The following SYT13 variants were observed in gnomAD, a reference collection of about 807,000 sequenced individuals.
SYT13 encodes the protein synaptotagmin-13.
In SYT13, 21 loss-of-function variants were observed where a neutral mutation model predicts 38.6. The observed-to-expected ratio is 0.54, with a 90% CI of 0.39 to 0.78. SYT13 has a LOEUF of 0.78. Ranked by LOEUF, SYT13 falls within the 30% of genes least tolerant of loss-of-function variation. The probability of loss-of-function intolerance (pLI) is 0.00; values close to 1 mark genes in which losing one functional copy is unlikely to be tolerated. For synonymous variants in SYT13, 241 were observed against 237.6 expected (o/e 1.01, Z -0.13); for missense variants, 495 against 548.7 (o/e 0.90, Z 0.98).
chr11:45,280,424 A>G (rs1855058302), intron 1 of SYT13, among the ~76,000 whole-genome samples: 1 of 152,222 alleles, frequency 6.6e-6, no homozygotes, highest in African/African-American at 2.4e-5. Context: ...TCCTCCTGGC[A>G]ATAAAAAAAT....
intron 1 of SYT13, chr11:45,285,792 C>T (rs569545565): frequency 1.9e-4 from 138 of 717,062 alleles, no homozygotes; most frequent in Non-Finnish European, 2.9e-4. Context: ...TCAGTCCCCA[C>T]AAGCTCGCCG....
intron 4 of SYT13, among the ~76,000 whole-genome samples, chr11:45,248,792 G>A (rs1854641751): frequency 6.6e-6 from 1 of 152,238 alleles, no homozygotes; most frequent in Non-Finnish European, 1.5e-5. Context: ...GTCAGCACCT[G>A]TCAGCCTCTG....
At chr11:45,266,560 C>T (rs1854884264) in intron 1 of SYT13, among the ~76,000 whole-genome samples, 1 of 151,156 alleles carries the variant, frequency 6.6e-6, no homozygotes, top group African/African-American at 2.5e-5. Context: ...GTCTGGACAA[C>T]AGGCATTAAG....
chr11:45,279,268 G>A (rs775841931), intron 1 of SYT13, among the ~76,000 whole-genome samples: 3 of 152,076 alleles, frequency 2.0e-5, no homozygotes, highest in Non-Finnish European at 4.4e-5. Context: ...ATTTCATAGG[G>A]CTATTGTGAT....
chr11:45,253,977 C>A, intron 3 of SYT13: 1 of 248,842 alleles, frequency 4.0e-6, no homozygotes, highest in Non-Finnish European at 7.6e-6. Context: ...ATACAGATGG[C>A]AAGGATACAA....
intron 1 of SYT13, among the ~76,000 whole-genome samples, chr11:45,266,535 T>G (rs772236239): frequency 8.7e-6 from 1 of 115,572 alleles, no homozygotes; most frequent in Non-Finnish European, 1.9e-5. Flanking sequence ...CACACACACA[T>G]ACACACATCC....
chr11:45,274,016 T>C (rs1336702576), intron 1 of SYT13, among the ~76,000 whole-genome samples: 1 of 152,232 alleles, frequency 6.6e-6, no homozygotes, highest in Non-Finnish European at 1.5e-5. Context: ...CCCTGTTTCA[T>C]GAATGAGCAA....
In SYT13 at chr11:45,286,245, GC is replaced by G. The variant is rs754416146; in HGVS notation, c.-39del. 6.7e-7 allele frequency: 1 copy of G among 1,495,318 alleles called. No individual in the cohort carries two copies. The highest frequency in any genetic ancestry group is 1.3e-5 in the South Asian group (1 of 76,996). 92.6% of individuals were successfully genotyped at this position (1,495,318 alleles called of 1,614,324 possible). A position where few individuals can be genotyped will look rare whatever the true frequency, so the allele number is the denominator to read the frequency against. On this transcript the variant is annotated 5_prime_UTR_variant, in exon 1 of 6. Transcript: ENST00000020926. ...CGGCGAGGGGCTGGGTCCCGCAGCC[GC>G]TCACCTTCCCCGGGCCGGGCCCGCC...
At chr11:45,259,106 TTGCCACTGGATTCTAAA>T in intron 1 of SYT13, among the ~76,000 whole-genome samples, 1 of 152,130 alleles carries the variant, frequency 6.6e-6, no homozygotes, top group East Asian at 1.9e-4. Context: ...CCTGTCGGTC[TTGCCACTGGATTCTAAA>T]TGGCAATCAC....
At chr11:45,245,152 C>G (rs181113742) in intron 5 of SYT13, among the ~76,000 whole-genome samples, 2 of 152,196 alleles carry the variant, frequency 1.3e-5, no homozygotes, top group Non-Finnish European at 2.9e-5. Flanking sequence ...TGTTCCTGCA[C>G]GCTCCCCCAA....
intron 1 of SYT13, among the ~76,000 whole-genome samples, chr11:45,265,674 C>T (rs865826517): frequency 1.3e-5 from 2 of 152,100 alleles, no homozygotes; most frequent in South Asian, 4.1e-4. Flanking sequence ...GGGCACTAAT[C>T]CCATCATGAG....
rs1366995924 is a variant in SYT13, at chr11:45,244,013, G to A, written c.*39C>T. The A allele has an allele frequency of 4.5e-6, 7 of 1,561,460 alleles. No homozygotes were observed. Among genetic ancestry groups the A allele is most frequent in the Non-Finnish European group, 6.0e-6 (7 of 1,157,760 alleles). On this transcript the variant is annotated 3_prime_UTR_variant, in exon 6 of 6. Coordinates refer to ENST00000020926, the MANE Select transcript of SYT13 (RefSeq NM_020826.3). ...ACAGAAAGGAGGTTGCAGAGGACGGGTCAGGGCTGTCCAAGAAGGGAGGCA... is the reference window on the plus strand; with the variant it reads ...ACAGAAAGGAGGTTGCAGAGGACGGATCAGGGCTGTCCAAGAAGGGAGGCA...
In SYT13 at chr11:45,246,438, C is replaced by A. The variant is rs1186566123; in HGVS notation, c.921G>T (p.Val307=). Residue 307 remains valine (V), a synonymous_variant, in exon 5 of 6, where the codon GTG becomes GTT. Transcript: ENST00000020926. ...YLPAANRLLV[V]LIKAKNLHSN... The stretch of plus-strand genomic sequence containing the variant: ...AGTGGAGGTTCTTGGCTTTAATCAG[C>A]ACCACCAGGAGGCGGTTGGCAGCCG... 3 of 1,614,026 alleles carry A rather than the reference C, an allele frequency of 1.9e-6. No individual in the cohort carries two copies. Among genetic ancestry groups the A allele is most frequent in the African/African-American group, 2.7e-5 (2 of 74,908 alleles).
rs1465201208 is a variant in SYT13 at position 45,244,098 on chromosome 11, T to C, written c.1235A>G (p.Lys412Arg). 5 of 1,610,886 alleles carry C rather than the reference T, an allele frequency of 3.1e-6. No individual in the cohort carries two copies. The highest frequency in any genetic ancestry group is 1.3e-5 in the African/African-American group (1 of 74,918). Residue 412 changes from lysine to arginine, a missense_variant, in exon 6 of 6, where the codon AAA becomes AGA. Coordinates refer to ENST00000020926, the MANE Select transcript of SYT13 (RefSeq NM_020826.3). ...CATGGCAATCTGCCGGCGAGGGTTT[T>C]TGAGCATCTCCTCCCAGTGGCTGCG... ...SERSHWEEML[K>R]NPRRQIAMWH...
At chr11:45,261,458 C>T (rs1163401209) in intron 1 of SYT13, among the ~76,000 whole-genome samples, 1 of 151,994 alleles carries the variant, frequency 6.6e-6, no homozygotes, top group Non-Finnish European at 1.5e-5. Flanking sequence ...ATTAGCTGGA[C>T]ATGGTGGCAG....
intron 1 of SYT13, among the ~76,000 whole-genome samples, chr11:45,273,326 G>C (rs1275443620): frequency 6.6e-6 from 1 of 152,170 alleles, no homozygotes; most frequent in Admixed American, 6.5e-5. Context: ...CACCTAGCAG[G>C]GAGGGAGCAG....
chr11:45,282,403 G>A (rs1855085204), intron 1 of SYT13, among the ~76,000 whole-genome samples: 2 of 152,180 alleles, frequency 1.3e-5, no homozygotes, highest in Admixed American at 6.5e-5. Context: ...AAGCATGAGA[G>A]GTAATGAATG....
In SYT13 at chr11:45,272,793, G is replaced by A. The variant is rs575065741; in HGVS notation, c.183+13232C>T. Among the ~76,000 whole-genome samples, 10 of 152,320 alleles carry A rather than the reference G, an allele frequency of 6.6e-5. No homozygotes were observed. The South Asian group carries it at 2.1e-3, about 32-fold the overall frequency. ...GCCCCAGAGCTTCCTACCTGCAGGTGTGTCTGTTTGGCAAGCAGATATTAA... is the reference window on the plus strand; with the variant it reads ...GCCCCAGAGCTTCCTACCTGCAGGTATGTCTGTTTGGCAAGCAGATATTAA... On this transcript the variant is annotated intron_variant, in intron 1 of 5. Transcript: ENST00000020926.
chr11:45,286,032 G>A lies in SYT13; in HGVS notation c.176C>T (p.Ala59Val). The A allele has an allele frequency of 6.2e-7, 1 of 1,607,708 alleles. No individual in the cohort carries two copies. The highest frequency in any genetic ancestry group is 8.5e-7 in the Non-Finnish European group (1 of 1,179,544). ...CGCGCCGCCCCCGCTCACCTGTTGT[G>A]CAGACCCGAGCAAGCTGGGCTTCGC... is the stretch of plus-strand genomic sequence containing the variant. The part of the protein sequence containing the change: ...EKAKPSLLGS[A>V]QQFNVKKSTE... The change falls in exon 1 of 6, where the codon GCA becomes GTA. Residue 59 changes from alanine to valine, a missense_variant. Transcript: ENST00000020926.
Sources: gnomAD v4.1 joint callset for allele counts (sites outside exome capture counted in the v4.1 genomes callset) on GRCh38, gnomAD v4.1.1 for gene constraint, MANE v1.5 for transcripts, NCBI Gene and HGNC (gene_info 2026-07-23, HGNC 2026-07-21) for gene names.